Variants in SSBP2 observed in about 807,000 individuals in gnomAD.
The protein encoded by SSBP2 is single-stranded DNA-binding protein 2.
Under a neutral mutation model 61.8 loss-of-function variants are expected in SSBP2, and 17 were observed. That is an observed-to-expected ratio of 0.28 (90% CI 0.19 to 0.41). The LOEUF (loss-of-function observed/expected upper bound fraction) is 0.41. Among genes scored for constraint, SSBP2 ranks in the 10% least tolerant of loss-of-function variants. SSBP2 has a pLI of 1.00. For missense variants in SSBP2, 310 were observed against 458.7 expected (o/e 0.68, Z 2.96); for synonymous variants, 139 against 141.3 (o/e 0.98, Z 0.12).
intron 3 of SSBP2, among the ~76,000 whole-genome samples, chr5:81,628,655 T>G (rs10514228): frequency 0.04 from 6,061 of 152,232 alleles, 177 homozygotes; most frequent in East Asian, 0.12. Flanking sequence ...TCAGAGGGGA[T>G]TTGATTCAGG....
intron 3 of SSBP2, among the ~76,000 whole-genome samples, chr5:81,636,030 T>C (rs767935621): frequency 1.1e-4 from 17 of 152,166 alleles, no homozygotes; most frequent in Non-Finnish European, 2.1e-4. Context: ...TATTTGGAGA[T>C]GGGGTCTTTG....
intron 4 of SSBP2, among the ~76,000 whole-genome samples, chr5:81,610,855 A>T (rs1475263214): frequency 1.3e-5 from 2 of 152,112 alleles, no homozygotes; most frequent in African/African-American, 4.8e-5. Flanking sequence ...TTAGCCGGGC[A>T]TGGTGGCACA....
At chr5:81,559,784 A>G (rs1365949501) in intron 4 of SSBP2, among the ~76,000 whole-genome samples, 3 of 152,034 alleles carry the variant, frequency 2.0e-5, no homozygotes, top group Non-Finnish European at 4.4e-5. Context: ...ATGTCATTAC[A>G]TAAAGCAACT....
chr5:81,490,592 A>C (rs1003686148), intron 5 of SSBP2, among the ~76,000 whole-genome samples: 2 of 152,330 alleles, frequency 1.3e-5, no homozygotes, highest in African/African-American at 4.8e-5. Flanking sequence ...TCCTACATGT[A>C]GAATGTATTT....
At chr5:81,567,273 T>C (rs1773489143) in intron 4 of SSBP2, among the ~76,000 whole-genome samples, 1 of 152,206 alleles carries the variant, frequency 6.6e-6, no homozygotes, top group African/African-American at 2.4e-5. Flanking sequence ...GTGTGCAGCC[T>C]AGGGACTTGT....
intron 1 of SSBP2, among the ~76,000 whole-genome samples, chr5:81,683,119 A>G (rs1752520621): frequency 6.6e-6 from 1 of 152,174 alleles, no homozygotes; most frequent in African/African-American, 2.4e-5. Context: ...TGCAATCCCA[A>G]TCAAAATCCC....
At chr5:81,550,979 C>T (rs1015420092) in intron 4 of SSBP2, among the ~76,000 whole-genome samples, 1 of 151,610 alleles carries the variant, frequency 6.6e-6, no homozygotes, top group African/African-American at 2.4e-5. Context: ...GCCTGTAGTC[C>T]CACCTACTCA....
intron 1 of SSBP2, among the ~76,000 whole-genome samples, chr5:81,742,474 C>T (rs973909063): frequency 6.6e-6 from 1 of 152,154 alleles, no homozygotes; most frequent in Non-Finnish European, 1.5e-5. Flanking sequence ...TACATAATCA[C>T]AAACCTTGCA....
intron 12 of SSBP2, among the ~76,000 whole-genome samples, chr5:81,445,176 A>ATATATATATATC (rs1188731137): frequency 2.5e-5 from 2 of 79,584 alleles, no homozygotes; most frequent in African/African-American, 1.2e-4. Flanking sequence ...ATATATATAT[A>ATATATATATATC]TGTATGTATT....
At chr5:81,485,897 A>G (rs992981596) in intron 6 of SSBP2, among the ~76,000 whole-genome samples, 1 of 152,222 alleles carries the variant, frequency 6.6e-6, no homozygotes, top group Non-Finnish European at 1.5e-5. Context: ...AACAAAATTG[A>G]GAAACCGTGT....
intron 4 of SSBP2, among the ~76,000 whole-genome samples, chr5:81,605,946 G>A (rs895220726): frequency 3.3e-5 from 5 of 152,112 alleles, no homozygotes; most frequent in East Asian, 1.9e-4. Context: ...GGGGAAAAAC[G>A]GTTGAGAACA....
intron 5 of SSBP2, 111 bp from the exon 6 acceptor site, chr5:81,489,420 A>C: frequency 1.1e-6 from 1 of 886,306 alleles, no homozygotes; most frequent in Non-Finnish European, 1.7e-6. Context: ...TCACAAATCA[A>C]TGTACTTTGA....
intron 4 of SSBP2, among the ~76,000 whole-genome samples, chr5:81,549,640 T>C (rs1561529674): frequency 6.6e-6 from 1 of 152,198 alleles, no homozygotes; most frequent in Admixed American, 6.5e-5. Context: ...ACTGAAAGAA[T>C]ACATGAATGA....
intron 4 of SSBP2, among the ~76,000 whole-genome samples, chr5:81,531,539 AG>A (rs1355026068): frequency 6.6e-6 from 1 of 152,110 alleles, no homozygotes; most frequent in Non-Finnish European, 1.5e-5. Context: ...TCTACAGCTT[AG>A]TGTTTAAGGT....
At chr5:81,474,679 C>A in intron 6 of SSBP2, 117 bp from the exon 7 acceptor site, 1 of 688,290 alleles carries the variant, frequency 1.5e-6, no homozygotes, top group African/African-American at 1.9e-5. Flanking sequence ...TTGAGTATTT[C>A]TCAAGATTTC....
intron 1 of SSBP2, among the ~76,000 whole-genome samples, chr5:81,750,283 G>A (rs1281022867): frequency 8.2e-6 from 1 of 121,738 alleles, no homozygotes; most frequent in Non-Finnish European, 1.6e-5. Context: ...CGCGATGCGC[G>A]GGGGACTGCG....
intron 4 of SSBP2, among the ~76,000 whole-genome samples, chr5:81,602,659 G>C (rs1033136117): frequency 1.3e-5 from 2 of 151,936 alleles, no homozygotes; most frequent in Non-Finnish European, 2.9e-5. Context: ...TTTTTTGCTT[G>C]AGAACCCTTT....
chr5:81,437,292 T>A, intron 15 of SSBP2, 138 bp downstream of exon 15: 1 of 772,688 alleles, frequency 1.3e-6, no homozygotes, highest in Non-Finnish European at 2.2e-6. Context: ...ATTCTTAACT[T>A]CCAATTAATT....
chr5:81,633,799 T>C (rs1004534633), intron 3 of SSBP2, among the ~76,000 whole-genome samples: 11 of 152,226 alleles, frequency 7.2e-5, no homozygotes, highest in Non-Finnish European at 1.2e-4. Flanking sequence ...AATCCTACCA[T>C]TTCTACTTCA....
Sources: allele counts gnomAD v4.1 joint callset (sites outside exome capture counted in the v4.1 genomes callset), GRCh38; gene constraint gnomAD v4.1.1; transcripts MANE v1.5; gene names NCBI Gene and HGNC (gene_info 2026-07-23, HGNC 2026-07-21).